The following LAMP3 variants were observed in gnomAD, a reference collection of about 807,000 sequenced individuals.
The protein encoded by LAMP3 is lysosome-associated membrane glycoprotein 3.
LAMP3 carries 26 observed loss-of-function variants against 34.8 expected under a neutral mutation model. The observed-to-expected ratio is 0.75, with a 90% CI of 0.55 to 1.04. LAMP3 has a LOEUF of 1.04. Among genes scored for constraint, LAMP3 ranks in the 50% least tolerant of loss-of-function variants. The probability of loss-of-function intolerance (pLI) is 0.00; values close to 1 mark genes in which losing one functional copy is unlikely to be tolerated. For synonymous variants in LAMP3, 180 were observed against 201.9 expected (o/e 0.89, Z 0.92); for missense variants, 495 against 524.0 (o/e 0.94, Z 0.54).
At chr3:183,148,981 C>T (rs1720529382) in intron 3 of LAMP3, among the ~76,000 whole-genome samples, 1 of 152,106 alleles carries the variant, frequency 6.6e-6, no homozygotes, top group African/African-American at 2.4e-5. Context: ...AAACATGGTA[C>T]ATGTACACAA....
chr3:183,151,263 G>A (rs952292075), intron 3 of LAMP3, among the ~76,000 whole-genome samples: 1 of 152,098 alleles, frequency 6.6e-6, no homozygotes, highest in Non-Finnish European at 1.5e-5. Context: ...CTCTTACTGG[G>A]GCTATTTGAA....
chr3:183,157,995 T>C (rs1175337052), intron 1 of LAMP3: 1 of 152,330 alleles, frequency 6.6e-6, no homozygotes, highest in Non-Finnish European at 1.5e-5. Context: ...CTCTGGGTGG[T>C]AGACAGAAGG....
At chr3:183,127,940 G>A (rs907382961) in intron 5 of LAMP3, among the ~76,000 whole-genome samples, 3 of 151,868 alleles carry the variant, frequency 2.0e-5, no homozygotes, top group Non-Finnish European at 4.4e-5. Flanking sequence ...GACCATTCTG[G>A]CTAACACAGT....
rs1576872725 is a variant in LAMP3 at position 183,135,643 on chromosome 3, A to G, written c.1117+74T>C. On this transcript the variant is annotated intron_variant, in intron 5 of 5. Transcript: ENST00000265598. The stretch of plus-strand genomic sequence containing the variant: ...AGATGCTTGCTCCTTCGACAGCTGC[A>G]GACAGAAAACACTTTGGATCTACCC... The G allele has an allele frequency of 2.5e-5, 34 of 1,360,030 alleles. No homozygotes were observed. The East Asian group carries it at 7.9e-4, about 31-fold the overall frequency. The allele number at this position is 1,360,030 out of a possible 1,614,324, so 84.2% of individuals were successfully genotyped here.
chr3:183,140,550 C>T lies in LAMP3; in HGVS notation c.934G>A (p.Val312Ile), dbSNP rs753187881. 2.2e-5 allele frequency: 35 copies of T among 1,599,616 alleles called. No homozygotes were observed. The highest frequency in any genetic ancestry group is 1.8e-4 in the Admixed American group (11 of 59,824). The part of the protein sequence containing the change: ...YISEVGAYLT[V>I]SDPETIYQGI... The stretch of plus-strand genomic sequence containing the variant: ...TGTAATTACTAACCTGGATCTGAGA[C>T]GGTCAAATAGGCTCCCACTTCACTG... Residue 312 changes from valine (V) to isoleucine (I), a missense_variant, in exon 4 of 6, where the codon GTC (valine) becomes ATC (isoleucine). Transcript: ENST00000265598.
chr3:183,127,914 A>AGCACTTGGGAGGCTG (rs1719821573), intron 5 of LAMP3, among the ~76,000 whole-genome samples: 1 of 152,072 alleles, frequency 6.6e-6, no homozygotes, highest in African/African-American at 2.4e-5. Context: ...GGTGGATCTC[A>AGCACTTGGGAGGCTG]AGGTCAGGAG....
rs1719690485 is a variant in LAMP3, at chr3:183,122,297, T to A, written c.*1784A>T. 6.6e-6 allele frequency: 1 copy of A among 152,232 alleles called. No homozygotes were observed. The highest frequency in any genetic ancestry group is 1.5e-5 in the Non-Finnish European group (1 of 68,046). 9.4% of individuals were successfully genotyped at this position (152,232 alleles called of 1,614,324 possible). On this transcript the variant is annotated 3_prime_UTR_variant, in exon 6 of 6. Coordinates refer to ENST00000265598, the MANE Select transcript of LAMP3 (RefSeq NM_014398.4). The stretch of plus-strand genomic sequence containing the variant: ...TAAAGTCAGGACCTTGCCAACTTAC[T>A]GAGTCATAAGGAAACACATGAGGAA...
At chr3:183,146,145 AGGAGACATTTGACAATGTCT>A (rs897712012) in intron 3 of LAMP3, among the ~76,000 whole-genome samples, 4 of 152,146 alleles carry the variant, frequency 2.6e-5, no homozygotes, top group Non-Finnish European at 5.9e-5. Flanking sequence ...TTTGCCTCCT[AGGAGACATTTGACAATGTCT>A]GGAGACATTT....
intron 4 of LAMP3, among the ~76,000 whole-genome samples, chr3:183,138,784 T>C (rs1381972629): frequency 6.6e-6 from 1 of 152,208 alleles, no homozygotes; most frequent in East Asian, 1.9e-4. Flanking sequence ...GCCTTGCCAC[T>C]GGCTCTGCAT....
upstream of LAMP3, chr3:183,162,791 CG>C: frequency 8.6e-6 from 7 of 809,840 alleles, no homozygotes; most frequent in Non-Finnish European, 1.3e-5. Context: ...CGCCCAGGGC[CG>C]CTGGGCGGGG....
intron 5 of LAMP3, among the ~76,000 whole-genome samples, chr3:183,126,792 A>G (rs1053086062): frequency 6.6e-6 from 1 of 152,200 alleles, no homozygotes; most frequent in African/African-American, 2.4e-5. Flanking sequence ...GGTTAGAAAA[A>G]TAAATAGAAA....
At chr3:183,155,333 T>G (rs1226617810) in intron 1 of LAMP3, among the ~76,000 whole-genome samples, 2 of 152,240 alleles carry the variant, frequency 1.3e-5, no homozygotes, top group Non-Finnish European at 2.9e-5. Flanking sequence ...TTTCCATTTT[T>G]TATCTTGTCA....
Position 183,135,049 on chromosome 3 carries a change from G to T in LAMP3, c.1117+668C>A, listed in dbSNP as rs577770214. On this transcript the variant is annotated intron_variant, in intron 5 of 5. Transcript: ENST00000265598. ...TGGAAGGGAGAAGAGGGCTTTTCTG[G>T]AAAGTCACCCTGGTCTGCTCTTGGC... Among the ~76,000 whole-genome samples the T allele has an allele frequency of 9.0e-4, 137 of 152,302 alleles. 1 individual carries two copies. Among genetic ancestry groups the T allele is most frequent in the African/African-American group, 3.2e-3 (132 of 41,558 alleles).
At chr3:183,127,852 C>G (rs1049963270) in intron 5 of LAMP3, among the ~76,000 whole-genome samples, 1 of 152,140 alleles carries the variant, frequency 6.6e-6, no homozygotes, top group Non-Finnish European at 1.5e-5. Context: ...TTCTGACTGG[C>G]TGGGCACGGT....
At position 183,162,731 on chromosome 3, in the gene LAMP3, C is replaced by G; in HGVS notation, c.-76G>C. On this transcript the variant is annotated 5_prime_UTR_variant, in exon 1 of 6. Coordinates refer to ENST00000265598, the MANE Select transcript of LAMP3 (RefSeq NM_014398.4). ...CCGAATCGGTGCCAGAGAAACCTAC[C>G]TGTGCCGGAGAAACGAAACCACCTG... is the stretch of plus-strand genomic sequence containing the variant. The G allele has an allele frequency of 7.4e-7, 1 of 1,352,596 alleles. No individual in the cohort carries two copies. The allele number at this position is 1,352,596 out of a possible 1,614,324, so 83.8% of individuals were successfully genotyped here.
intron 5 of LAMP3, among the ~76,000 whole-genome samples, chr3:183,127,254 T>C (rs930444853): frequency 6.6e-6 from 1 of 152,060 alleles, no homozygotes; most frequent in Non-Finnish European, 1.5e-5. Context: ...CCACCTCAGC[T>C]TCTCAAGTAG....
intron 3 of LAMP3, among the ~76,000 whole-genome samples, chr3:183,147,030 T>G (rs564680035): frequency 6.6e-6 from 1 of 151,744 alleles, no homozygotes; most frequent in Non-Finnish European, 1.5e-5. Flanking sequence ...GATCACGAGG[T>G]CAGGAGATCG....
At chr3:183,147,777 C>T (rs1047389977) in intron 3 of LAMP3, among the ~76,000 whole-genome samples, 4 of 152,166 alleles carry the variant, frequency 2.6e-5, no homozygotes, top group Non-Finnish European at 5.9e-5. Context: ...TGCAACGGCA[C>T]AATCATAGCT....
intron 5 of LAMP3, among the ~76,000 whole-genome samples, chr3:183,129,429 G>C (rs1263882146): frequency 6.6e-6 from 1 of 151,904 alleles, no homozygotes; most frequent in Admixed American, 6.6e-5. Flanking sequence ...TGTTGGATGG[G>C]CTGAATAGCT....
Sources: allele counts gnomAD v4.1 joint callset (sites outside exome capture counted in the v4.1 genomes callset), GRCh38; gene constraint gnomAD v4.1.1; transcripts MANE v1.5; gene names NCBI Gene and HGNC (gene_info 2026-07-23, HGNC 2026-07-21).